XKR7: variants seen among roughly 807,000 people sequenced by gnomAD.
XKR7 encodes XK related 7.
Under a neutral mutation model 42.2 loss-of-function variants are expected in XKR7, and 11 were observed. The ratio of observed to expected loss-of-function variants is 0.26; its 90% CI spans 0.16 to 0.43. XKR7 has a LOEUF of 0.43. Ranked by LOEUF, XKR7 falls within the 20% of genes least tolerant of loss-of-function variation. The probability of loss-of-function intolerance (pLI) is 1.00; values close to 1 mark genes in which losing one functional copy is unlikely to be tolerated. For missense variants in XKR7, 710 were observed against 802.2 expected (o/e 0.89, Z 1.39); for synonymous variants, 346 against 366.4 (o/e 0.94, Z 0.64).
At position 31,997,645 on chromosome 20, in the gene XKR7, G is replaced by A. The variant is rs1343527169; in HGVS notation, c.*188G>A. ...TGCGGAGGCCCCAGCCCTGGGCCCC[G>A]TTTTCAGCCTTGTGGCCCATTCCCT... is the stretch of plus-strand genomic sequence containing the variant. On this transcript the variant is annotated 3_prime_UTR_variant, in exon 3 of 3. Transcript: ENST00000562532. 14 of 598,828 alleles carry A rather than the reference G, an allele frequency of 2.3e-5. No individual in the cohort carries two copies. Among genetic ancestry groups the A allele is most frequent in the South Asian group, 4.4e-5 (2 of 44,980 alleles). The allele number at this position is 598,828 out of a possible 1,614,324, so 37.1% of individuals were successfully genotyped here. A position where few individuals can be genotyped will look rare whatever the true frequency, so the allele number is the denominator to read the frequency against.
chr20:31,981,709 A>C (rs905493858), intron 1 of XKR7, among the ~76,000 whole-genome samples: 6 of 152,128 alleles, frequency 3.9e-5, no homozygotes, highest in African/African-American at 4.8e-5. Flanking sequence ...ACAAACCAAC[A>C]AACAAACAAA....
intron 1 of XKR7, among the ~76,000 whole-genome samples, chr20:31,987,918 C>G (rs1467908886): frequency 2.0e-5 from 3 of 152,204 alleles, no homozygotes; most frequent in African/African-American, 7.2e-5. Flanking sequence ...GAGCCAGGGA[C>G]TGAGCCAGGA....
chr20:31,986,480 A>T (rs923043652), intron 1 of XKR7, among the ~76,000 whole-genome samples: 6 of 137,282 alleles, frequency 4.4e-5, no homozygotes, highest in African/African-American at 1.7e-4. Flanking sequence ...AGACAGACAG[A>T]CAGACCACTA....
chr20:31,971,328 T>G (rs1041523885), intron 1 of XKR7, among the ~76,000 whole-genome samples: 2 of 152,206 alleles, frequency 1.3e-5, no homozygotes, highest in African/African-American at 4.8e-5. Flanking sequence ...GGTTTCCCTG[T>G]GTGTGAAATG....
At chr20:31,996,046 C>G (rs1438242248) in intron 2 of XKR7, among the ~76,000 whole-genome samples, 4 of 151,928 alleles carry the variant, frequency 2.6e-5, no homozygotes, top group Admixed American at 2.0e-4. Context: ...CTGCTCAGCT[C>G]AGCTCTAGAT....
In XKR7 at chr20:31,997,680, T is replaced by C. The variant is rs1234040279; in HGVS notation, c.*223T>C. On this transcript the variant is annotated 3_prime_UTR_variant, in exon 3 of 3. Coordinates refer to ENST00000562532, the MANE Select transcript of XKR7 (RefSeq NM_001011718.2). ...TTGTGGCCCATTCCCTAAATTCCCC[T>C]GACCCAGGGCCTGGGGAATCATCTG... 14 of 550,820 alleles carry C rather than the reference T, an allele frequency of 2.5e-5. No homozygotes were observed. The East Asian group carries it at 3.6e-4, about 14-fold the overall frequency. 34.1% of individuals were successfully genotyped at this position (550,820 alleles called of 1,614,324 possible).
In XKR7 at chr20:31,997,167, C is replaced by T. The variant is rs984731810; in HGVS notation, c.1450C>T (p.Arg484Trp). 14 of 1,610,732 alleles carry T rather than the reference C, an allele frequency of 8.7e-6. No individual in the cohort carries two copies. Among genetic ancestry groups the T allele is most frequent in the Admixed American group, 6.7e-5 (4 of 59,994 alleles). The change falls in exon 3 of 3, where the codon CGG becomes TGG. Residue 484 changes from arginine (R) to tryptophan (W), a missense_variant. By Grantham distance (101) the Arg-to-Trp change is moderately radical. Around this residue, in one of 2 missense-constraint regions of XKR7, gnomAD observed 708 missense variants for 786.2 expected, o/e 0.90. Coordinates refer to ENST00000562532, the MANE Select transcript of XKR7 (RefSeq NM_001011718.2). ...CCTGCCAAGGACTACAGGTGCTGAG[C>T]GGGATGGGGCCTCGGCGGGAGAGCG... Reference protein sequence around the residue: ...RSLPRTTGAERDGASAGERAG... With the variant: ...RSLPRTTGAEWDGASAGERAG...
intron 1 of XKR7, among the ~76,000 whole-genome samples, chr20:31,984,925 AG>A (rs1437739837): frequency 6.6e-6 from 1 of 152,140 alleles, no homozygotes; most frequent in Non-Finnish European, 1.5e-5. Flanking sequence ...GTCCCTTTCT[AG>A]GTCTGTTTCT....
At chr20:31,990,869 A>G (rs1484952766) in intron 1 of XKR7, among the ~76,000 whole-genome samples, 1 of 152,110 alleles carries the variant, frequency 6.6e-6, no homozygotes, top group African/African-American at 2.4e-5. Flanking sequence ...TGGAAGGAAC[A>G]GCCACAGTTT....
intron 1 of XKR7, among the ~76,000 whole-genome samples, chr20:31,977,306 T>A (rs1179900783): frequency 6.6e-6 from 1 of 152,198 alleles, no homozygotes; most frequent in East Asian, 1.9e-4. Context: ...CACCTAGGGT[T>A]CAGTTACTCC....
At chr20:31,982,539 G>A (rs111470678) in intron 1 of XKR7, among the ~76,000 whole-genome samples, 2 of 149,264 alleles carry the variant, frequency 1.3e-5, no homozygotes, top group African/African-American at 4.9e-5. Flanking sequence ...AAAAAAAAAG[G>A]CTTGGTGAAT....
At chr20:31,982,285 C>T (rs2064516849) in intron 1 of XKR7, among the ~76,000 whole-genome samples, 1 of 152,072 alleles carries the variant, frequency 6.6e-6, no homozygotes, top group African/African-American at 2.4e-5. Flanking sequence ...GTTTGGGAGG[C>T]TGAGGTGGGT....
chr20:31,971,421 C>T (rs1428957855), intron 1 of XKR7, among the ~76,000 whole-genome samples: 1 of 152,126 alleles, frequency 6.6e-6, no homozygotes, highest in Non-Finnish European at 1.5e-5. Flanking sequence ...GCCTCTGGGC[C>T]CTTGCCCCCA....
chr20:31,987,292 A>G (rs1222645681), intron 1 of XKR7, among the ~76,000 whole-genome samples: 7 of 150,058 alleles, frequency 4.7e-5, no homozygotes, highest in African/African-American at 1.2e-4. Context: ...ACACAGACAG[A>G]CAGACCACCA....
In XKR7 at chr20:31,968,908, C is replaced by G. The variant is rs907758441; in HGVS notation, c.584+149C>G. 1 of 1,314,306 alleles carries G rather than the reference C, an allele frequency of 7.6e-7. No homozygotes were observed. The highest frequency in any genetic ancestry group is 1.0e-6 in the Non-Finnish European group (1 of 1,000,028). 81.4% of individuals were successfully genotyped at this position (1,314,306 alleles called of 1,614,324 possible). A position where few individuals can be genotyped will look rare whatever the true frequency, so the allele number is the denominator to read the frequency against. Reference sequence around the variant, plus strand: ...CACCCCATTGCAGCTCTAATTTCTTCTCAGTCGGCTTCTCCCTGACCTCTG... The same window carrying G: ...CACCCCATTGCAGCTCTAATTTCTTGTCAGTCGGCTTCTCCCTGACCTCTG... On this transcript the variant is annotated intron_variant, in intron 1 of 2. Coordinates refer to ENST00000562532, the MANE Select transcript of XKR7 (RefSeq NM_001011718.2). The surrounding 1 kb of genome is among the most constrained non-coding windows in gnomAD (Gnocchi z 4.5).
chr20:31,974,872 C>T (rs2064478434), intron 1 of XKR7, among the ~76,000 whole-genome samples: 1 of 152,108 alleles, frequency 6.6e-6, no homozygotes, highest in African/African-American at 2.4e-5. Context: ...TTGGGCCTCA[C>T]CACTCACCTC....
At chr20:31,993,088 C>CCACACACACACACA (rs374683030) in intron 1 of XKR7, among the ~76,000 whole-genome samples, 1 of 147,316 alleles carries the variant, frequency 6.8e-6, no homozygotes, top group African/African-American at 2.5e-5. Flanking sequence ...GGTTCCCCCT[C>CCACACACACACACA]CACACACACA....
At chr20:31,988,817 CAGG>C (rs967172159) in intron 1 of XKR7, among the ~76,000 whole-genome samples, 1 of 152,130 alleles carries the variant, frequency 6.6e-6, no homozygotes, top group Non-Finnish European at 1.5e-5. Context: ...TCAGCGAGGG[CAGG>C]AGGAGCCTGT....
intron 1 of XKR7, among the ~76,000 whole-genome samples, chr20:31,984,835 C>G (rs1047446642): frequency 1.1e-4 from 16 of 152,180 alleles, no homozygotes; most frequent in Admixed American, 1.0e-3. Context: ...CATCCCTGCT[C>G]TGGCTCAGGA....
Sources: gnomAD v4.1 joint callset for allele counts (sites outside exome capture counted in the v4.1 genomes callset) on GRCh38, gnomAD v4.1.1 for gene constraint, gnomAD v4.1.1 regional missense constraint, Gnocchi (gnomAD v3.1) non-coding constraint, MANE v1.5 for transcripts, NCBI Gene and HGNC (gene_info 2026-07-23, HGNC 2026-07-21) for gene names.